Variants in CNTNAP2 observed in about 807,000 individuals in gnomAD.
The protein encoded by CNTNAP2 is contactin-associated protein-like 2.
A neutral mutation model predicts 155.2 loss-of-function variants in CNTNAP2; 98 were observed. The ratio of observed to expected loss-of-function variants is 0.63; its 90% confidence interval spans 0.54 to 0.75. The LOEUF (loss-of-function observed/expected upper bound fraction) is 0.75, where lower values mean the gene tolerates loss of function less well. Ranked by LOEUF, CNTNAP2 falls within the 30% of genes least tolerant of loss-of-function variation. CNTNAP2 has a pLI of 0.00. For synonymous variants in CNTNAP2, 651 were observed against 631.2 expected (o/e 1.03, Z -0.47); for missense variants, 1,727 against 1,688.1 (o/e 1.02, Z -0.40).
At chr7:146,881,085 A>C (rs1047199208) in intron 3 of CNTNAP2, among the ~76,000 whole-genome samples, 4 of 152,142 alleles carry the variant, frequency 2.6e-5, no homozygotes, top group African/African-American at 9.6e-5. Flanking sequence ...AAAGTCTTTT[A>C]AAAATCCTTC....
intron 1 of CNTNAP2, among the ~76,000 whole-genome samples, chr7:146,729,458 G>GA (rs553299441): frequency 4.7e-5 from 7 of 148,310 alleles, no homozygotes; most frequent in Non-Finnish European, 7.5e-5. Flanking sequence ...TTTGTATTAA[G>GA]AAAAAAAAAG....
At position 147,409,264 on chromosome 7, in the gene CNTNAP2, G is replaced by A. The variant is rs142375926; in HGVS notation, c.1670+13484G>A. On this transcript the variant is annotated intron_variant, in intron 10 of 23. Coordinates refer to ENST00000361727, the MANE Select transcript of CNTNAP2 (RefSeq NM_014141.6). Reference sequence around the variant, plus strand: ...AGTGCAGGTACACTTAGAACGATCTGATCTTTGACAAAGCTGACAAATATA... The same window carrying A: ...AGTGCAGGTACACTTAGAACGATCTAATCTTTGACAAAGCTGACAAATATA... Among the ~76,000 whole-genome samples, 381 of 152,280 alleles carry A rather than the reference G, an allele frequency of 2.5e-3. 2 individuals carry two copies. Among genetic ancestry groups the A allele is most frequent in the African/African-American group, 8.6e-3 (357 of 41,548 alleles).
chr7:148,362,131 C>T (rs1288953950), intron 21 of CNTNAP2, among the ~76,000 whole-genome samples: 1 of 152,040 alleles, frequency 6.6e-6, no homozygotes, highest in East Asian at 1.9e-4. Context: ...ATCACTTGAA[C>T]CTAGGAGGCA....
intron 4 of CNTNAP2, among the ~76,000 whole-genome samples, chr7:147,054,748 C>T (rs1799528802): frequency 6.6e-6 from 1 of 151,980 alleles, no homozygotes; most frequent in African/African-American, 2.4e-5. Flanking sequence ...AGTATGCACA[C>T]TTTAAAAATT....
At chr7:147,682,116 C>T (rs555861902) in intron 13 of CNTNAP2, among the ~76,000 whole-genome samples, 2 of 150,852 alleles carry the variant, frequency 1.3e-5, no homozygotes, top group East Asian at 3.9e-4. Flanking sequence ...CCTGTAAGTG[C>T]AACAAGGGGA....
At chr7:147,214,175 A>G (rs1803217061) in intron 8 of CNTNAP2, among the ~76,000 whole-genome samples, 1 of 152,166 alleles carries the variant, frequency 6.6e-6, no homozygotes, top group Non-Finnish European at 1.5e-5. Context: ...GTTTACCTTT[A>G]CCCACTCACA....
At chr7:146,628,601 C>A (rs2129158224) in intron 1 of CNTNAP2, among the ~76,000 whole-genome samples, 1 of 151,984 alleles carries the variant, frequency 6.6e-6, no homozygotes, top group South Asian at 2.1e-4. Flanking sequence ...ATAGTAAATA[C>A]ATACAATTTT....
At chr7:146,842,164 G>T (rs1370651091) in intron 3 of CNTNAP2, among the ~76,000 whole-genome samples, 1 of 152,090 alleles carries the variant, frequency 6.6e-6, no homozygotes, top group Non-Finnish European at 1.5e-5. Flanking sequence ...TGGGATTCCA[G>T]GCGTGAGCCA....
At chr7:147,484,840 T>C (rs1421929510) in intron 10 of CNTNAP2, among the ~76,000 whole-genome samples, 4 of 152,236 alleles carry the variant, frequency 2.6e-5, no homozygotes, top group Non-Finnish European at 4.4e-5. Flanking sequence ...CCCATGATTA[T>C]AGATTCTGCT....
At chr7:146,224,022 T>C (rs1799250719) in intron 1 of CNTNAP2, among the ~76,000 whole-genome samples, 1 of 152,218 alleles carries the variant, frequency 6.6e-6, no homozygotes, top group South Asian at 2.1e-4. Flanking sequence ...TTGGCTCAAA[T>C]TGTCCTGTTA....
At position 146,725,938 on chromosome 7, in the gene CNTNAP2, G is replaced by A. The variant is rs983656691; in HGVS notation, c.98-48333G>A. 2.4e-4 allele frequency among the ~76,000 whole-genome samples: 37 copies of A among 152,222 alleles called. 1 individual carries two copies. The highest frequency in any genetic ancestry group is 3.4e-3 in the Middle Eastern group (1 of 294). The stretch of plus-strand genomic sequence containing the variant: ...TTCTGTCTCCCGTTCAGCCAGCTCT[G>A]CATGAATTAAGCTCTTTATTTCAAT... On this transcript the variant is annotated intron_variant, in intron 1 of 23. Coordinates refer to ENST00000361727, the MANE Select transcript of CNTNAP2 (RefSeq NM_014141.6).
intron 1 of CNTNAP2, among the ~76,000 whole-genome samples, chr7:146,710,540 G>C (rs1239436692): frequency 1.3e-5 from 2 of 152,102 alleles, no homozygotes; most frequent in African/African-American, 4.8e-5. Context: ...TTTCTCATTA[G>C]TTTTATTTCA....
At position 148,151,103 on chromosome 7, in the gene CNTNAP2, A is replaced by G. The variant is rs77251176; in HGVS notation, c.2773+3394A>G. ...TTGCCAAGTGGTCAGTCTTCTCACA[A>G]TGGTGTGTGGTTAACAATATGGTCT... On this transcript the variant is annotated intron_variant, in intron 17 of 23. Transcript: ENST00000361727. Among the ~76,000 whole-genome samples, 271 of 152,200 alleles carry G rather than the reference A, an allele frequency of 1.8e-3. 1 individual carries two copies. Among genetic ancestry groups the G allele is most frequent in the African/African-American group, 5.7e-3 (235 of 41,512 alleles).
intron 13 of CNTNAP2, among the ~76,000 whole-genome samples, chr7:147,788,900 C>CTTT (rs11440955): frequency 0.033 from 3,316 of 100,640 alleles, 153 homozygotes; most frequent in Non-Finnish European, 0.05. Flanking sequence ...TTTTCTTTTT[C>CTTT]TTTTTTTTTT....
chr7:146,151,688 A>ATATATG, intron 1 of CNTNAP2, among the ~76,000 whole-genome samples: 1 of 39,678 alleles, frequency 2.5e-5, no homozygotes, highest in African/African-American at 1.2e-4. Context: ...ATATGTATAT[A>ATATATG]TATATATATG....
At position 147,300,303 on chromosome 7, in the gene CNTNAP2, T is replaced by C. The variant is rs367904654; in HGVS notation, c.1498+13T>C. 2.5e-6 allele frequency: 4 copies of C among 1,613,708 alleles called. No homozygotes were observed. In the Admixed American group the frequency reaches 5.0e-5, roughly 20 times the overall value. On this transcript the variant is annotated intron_variant, in intron 9 of 23. Transcript: ENST00000361727. ...TACTTTTTTGGAGGTAAGAATGCCA[T>C]TCCTTTTTGGTTACTAATCCATTGC...
intron 22 of CNTNAP2, 22 bp downstream of exon 22, chr7:148,383,910 G>A (rs764379432): frequency 6.2e-7 from 1 of 1,608,102 alleles, no homozygotes; most frequent in Non-Finnish European, 8.5e-7. Context: ...AGCAACCTCA[G>A]GCAGGTTGCT....
Position 146,920,013 on chromosome 7 carries a change from A to G in CNTNAP2, c.402+80109A>G, listed in dbSNP as rs74890894. Among the ~76,000 whole-genome samples, 1,181 of 152,308 alleles carry G rather than the reference A, an allele frequency of 7.8e-3. 14 individuals are homozygous for G. The highest frequency in any genetic ancestry group is 0.026 in the African/African-American group (1,077 of 41,558). On this transcript the variant is annotated intron_variant, in intron 3 of 23. Coordinates refer to ENST00000361727, the MANE Select transcript of CNTNAP2 (RefSeq NM_014141.6). ...GATTCTGAGGAGATGACAAACATTT[A>G]ATACATAATAATAAGATTTAATAAA...
intron 1 of CNTNAP2, among the ~76,000 whole-genome samples, chr7:146,352,773 G>A (rs1203673142): frequency 2.4e-4 from 5 of 20,662 alleles, no homozygotes; most frequent in African/African-American, 1.4e-3. Context: ...TTTTTTTTTC[G>A]AGACAGAGTC....
Sources: allele counts gnomAD v4.1 joint callset (sites outside exome capture counted in the v4.1 genomes callset), GRCh38; gene constraint gnomAD v4.1.1; transcripts MANE v1.5; gene names NCBI Gene and HGNC (gene_info 2026-07-23, HGNC 2026-07-21).